The following GBF1 variants were observed in gnomAD, a reference collection of about 807,000 sequenced individuals.
The protein encoded by GBF1 is Golgi-specific brefeldin A-resistance guanine nucleotide exchange factor 1.
GBF1 carries 114 observed loss-of-function variants against 210.5 expected under a neutral mutation model. That is an observed-to-expected ratio of 0.54 (90% CI 0.47 to 0.63). GBF1 has a LOEUF of 0.63. GBF1 is among the 30% of genes least tolerant of loss of function. The pLI is 0.00. For missense variants in GBF1, 1,851 were observed against 2,357.7 expected (o/e 0.79, Z 4.45); for synonymous variants, 850 against 889.2 (o/e 0.96, Z 0.78).
At chr10:102,274,452 T>C (rs1444735257) in intron 3 of GBF1, among the ~76,000 whole-genome samples, 1 of 152,000 alleles carries the variant, frequency 6.6e-6, no homozygotes, top group African/African-American at 2.4e-5. Flanking sequence ...TAAAAAAATT[T>C]TTTTCACCTA....
At chr10:102,249,020 C>A (rs1308660084) in intron 1 of GBF1, among the ~76,000 whole-genome samples, 1 of 152,180 alleles carries the variant, frequency 6.6e-6, no homozygotes, top group Non-Finnish European at 1.5e-5. Flanking sequence ...ACCACTCTTT[C>A]TATTTTTCAG....
intron 1 of GBF1, among the ~76,000 whole-genome samples, chr10:102,252,110 T>C (rs918152968): frequency 1.3e-5 from 2 of 151,074 alleles, no homozygotes; most frequent in Non-Finnish European, 3.0e-5. Flanking sequence ...GAGGCCGAGG[T>C]GGGCAGATCA....
upstream of GBF1, among the ~76,000 whole-genome samples, chr10:102,242,919 ACT>A (rs1441858895): frequency 6.1e-5 from 5 of 82,326 alleles, no homozygotes; most frequent in Admixed American, 2.8e-4. Flanking sequence ...ACAGAGCAAG[ACT>A]CTGTCTCAAA....
At chr10:102,370,276 A>T (rs2060131350) in intron 27 of GBF1, 31 bp downstream of exon 27, 1 of 1,539,272 alleles carries the variant, frequency 6.5e-7, no homozygotes, top group Non-Finnish European at 9.0e-7. Flanking sequence ...ACATGGAACA[A>T]CTGGCTGAAT....
At chr10:102,256,810 C>G (rs1590495760) in intron 1 of GBF1, among the ~76,000 whole-genome samples, 1 of 152,154 alleles carries the variant, frequency 6.6e-6, no homozygotes, top group African/African-American at 2.4e-5. Context: ...CAGTGCCCGA[C>G]CTTCTTGTAA....
intron 8 of GBF1, among the ~76,000 whole-genome samples, chr10:102,356,258 T>C (rs2059282638): frequency 6.6e-6 from 1 of 152,116 alleles, no homozygotes; most frequent in South Asian, 2.1e-4. Flanking sequence ...GAACAGGCCA[T>C]GGACAATAGG....
At chr10:102,306,677 G>T (rs2077910111) in intron 3 of GBF1, among the ~76,000 whole-genome samples, 1 of 152,232 alleles carries the variant, frequency 6.6e-6, no homozygotes, top group Non-Finnish European at 1.5e-5. Flanking sequence ...GCCCACCTGG[G>T]CCTCCCAAAG....
chr10:102,238,231 A>G, the GBF1 span, among the ~76,000 whole-genome samples: 4 of 152,288 alleles, frequency 2.6e-5, no homozygotes, highest in South Asian at 8.3e-4. Flanking sequence ...AAAGCTCAGG[A>G]CCTAATGGAT....
At chr10:102,370,142 C>G (rs763080847) in intron 26 of GBF1, 32 bp from the exon 27 acceptor site, 1 of 1,569,492 alleles carries the variant, frequency 6.4e-7, no homozygotes, top group Non-Finnish European at 8.8e-7. Context: ...CAGCCTTTGT[C>G]AAAGACCCCC....
intron 3 of GBF1, among the ~76,000 whole-genome samples, chr10:102,291,008 A>G (rs117087899): frequency 2.0e-5 from 3 of 152,226 alleles, no homozygotes; most frequent in Non-Finnish European, 2.9e-5. Flanking sequence ...GGTTTTTCCT[A>G]TTGAATTATC....
chr10:102,294,836 C>G (rs1486576129), intron 3 of GBF1, among the ~76,000 whole-genome samples: 7 of 152,100 alleles, frequency 4.6e-5, no homozygotes, highest in African/African-American at 1.7e-4. Context: ...ACCATATAGC[C>G]TAGATATGTA....
intron 3 of GBF1, among the ~76,000 whole-genome samples, chr10:102,288,921 T>C (rs1315443535): frequency 1.3e-5 from 2 of 151,838 alleles, no homozygotes; most frequent in Non-Finnish European, 1.5e-5. Flanking sequence ...GCTAACACAG[T>C]GAAACCCCAT....
intron 37 of GBF1, 48 bp from the exon 38 acceptor site, chr10:102,380,458 C>A: frequency 6.3e-7 from 1 of 1,588,246 alleles, no homozygotes. Context: ...TTACCATACT[C>A]CCCCCATGCC....
At chr10:102,306,171 G>A (rs2077850241) in intron 3 of GBF1, among the ~76,000 whole-genome samples, 1 of 152,180 alleles carries the variant, frequency 6.6e-6, no homozygotes, top group Non-Finnish European at 1.5e-5. Flanking sequence ...GACCTCAGCT[G>A]CACTACTCAA....
Position 102,376,999 on chromosome 10 carries a change from G to A in GBF1, c.4353G>A (p.Lys1451=). The A allele has an allele frequency of 6.2e-7, 1 of 1,614,198 alleles. No individual in the cohort carries two copies. Residue 1451 remains lysine (K), a synonymous_variant, in exon 33 of 40, where the codon AAG becomes AAA. Transcript: ENST00000369983. Reference sequence around the variant, plus strand: ...ATGACAGCAAAGGGAACCGCTTCAAGAAGAAATCCAAAGAGGGATCAATGC... The same window carrying A: ...ATGACAGCAAAGGGAACCGCTTCAAAAAGAAATCCAAAGAGGGATCAATGC... ...HKYDSKGNRF[K]KKSKEGSMLR...
At chr10:102,333,336 CCCACCTGT>C (rs1332011911) in intron 3 of GBF1, among the ~76,000 whole-genome samples, 1 of 152,192 alleles carries the variant, frequency 6.6e-6, no homozygotes, top group Non-Finnish European at 1.5e-5. Flanking sequence ...AGCCTAAATT[CCCACCTGT>C]CCATTCATAG....
At chr10:102,278,275 C>CTTT (rs75537807) in intron 3 of GBF1, among the ~76,000 whole-genome samples, 1 of 142,510 alleles carries the variant, frequency 7.0e-6, no homozygotes, top group Non-Finnish European at 1.5e-5. Flanking sequence ...AACAAAAACA[C>CTTT]TTTTTTTTTT....
At chr10:102,241,577 C>A (rs1030148147), upstream of GBF1, 2 of 152,474 alleles carry the variant, frequency 1.3e-5, no homozygotes, top group Non-Finnish European at 2.9e-5. The surrounding 1 kb of genome is among the most constrained non-coding windows in gnomAD (Gnocchi z 6.7). Context: ...CGCGGCGAGC[C>A]GCGCGCGTCA....
intron 3 of GBF1, among the ~76,000 whole-genome samples, chr10:102,330,439 T>C (rs1299816170): frequency 1.3e-5 from 2 of 152,102 alleles, no homozygotes; most frequent in Non-Finnish European, 2.9e-5. Flanking sequence ...ATCCCAGCAC[T>C]TTGGGAGGCT....
Sources: gnomAD v4.1 joint callset for allele counts (sites outside exome capture counted in the v4.1 genomes callset) on GRCh38, gnomAD v4.1.1 for gene constraint, Gnocchi (gnomAD v3.1) non-coding constraint, MANE v1.5 for transcripts, NCBI Gene and HGNC (gene_info 2026-07-23, HGNC 2026-07-21) for gene names.